LARGE1: variants seen among roughly 807,000 people sequenced by gnomAD.
The protein encoded by LARGE1 is LARGE xylosyl- and glucuronyltransferase 1, also known as xylosyl- and glucuronyltransferase LARGE1.
Under a neutral mutation model 87.6 loss-of-function variants are expected in LARGE1, and 43 were observed. That is an observed-to-expected ratio of 0.49 (90% confidence interval 0.38 to 0.63). The LOEUF (loss-of-function observed/expected upper bound fraction) is 0.63, where lower values mean the gene tolerates loss of function less well. Ranked by LOEUF, LARGE1 falls within the 30% of genes least tolerant of loss-of-function variation. LARGE1 has a pLI of 0.00. For synonymous variants in LARGE1, 434 were observed against 394.6 expected (o/e 1.10, Z -1.18); for missense variants, 802 against 1,000.2 (o/e 0.80, Z 2.67).
chr22:33,068,209 T>C, the LARGE1 span, among the ~76,000 whole-genome samples: 1 of 152,154 alleles, frequency 6.6e-6, no homozygotes, highest in Non-Finnish European at 1.5e-5. Context: ...TTGGGTCACC[T>C]CACTATGGGC....
At chr22:33,829,282 T>G (rs1357695149) in intron 1 of LARGE1, among the ~76,000 whole-genome samples, 1 of 152,092 alleles carries the variant, frequency 6.6e-6, no homozygotes, top group Non-Finnish European at 1.5e-5. Flanking sequence ...GGGCTGGGAT[T>G]ACAGGTGTGA....
At chr22:33,878,135 T>TG in intron 1 of LARGE1, among the ~76,000 whole-genome samples, 1 of 93,852 alleles carries the variant, frequency 1.1e-5, no homozygotes, top group Non-Finnish European at 2.0e-5. Flanking sequence ...ATTTCTTTTT[T>TG]TTTTTTTTTT....
intron 3 of LARGE1, among the ~76,000 whole-genome samples, chr22:33,628,379 C>T (rs551228783): frequency 1.3e-5 from 2 of 149,980 alleles, no homozygotes; most frequent in South Asian, 2.1e-4. Flanking sequence ...TGAAGTGGCA[C>T]TATCTCAGCT....
rs375909409 is a variant in LARGE1, at chr22:33,604,522, G to A, written c.528C>T (p.Ser176=). The change falls in exon 5 of 15, where the codon TCC becomes TCT. Residue 176 remains serine (S), a synonymous_variant. Transcript: ENST00000397394. ...GCGTGGCCAGGATCTGCTCCGCAAT[G>A]GAGTCAGCAATAAGGTGGAAGTGCA... The part of the protein sequence containing the change: ...NPLHFHLIAD[S]IAEQILATLF... The A allele has an allele frequency of 1.9e-6, 3 of 1,614,066 alleles. No homozygotes were observed.
At chr22:33,465,806 A>G (rs997244281) in intron 6 of LARGE1, among the ~76,000 whole-genome samples, 5 of 152,210 alleles carry the variant, frequency 3.3e-5, no homozygotes, top group Admixed American at 3.3e-4. Context: ...GTGGCTCACA[A>G]CAGGAATCTG....
chr22:33,113,695 A>G, the LARGE1 span, among the ~76,000 whole-genome samples: 1 of 152,154 alleles, frequency 6.6e-6, no homozygotes, highest in Non-Finnish European at 1.5e-5. Context: ...GAGGATAAGG[A>G]CCCAACTGGT....
chr22:33,148,920 T>G, the LARGE1 span, among the ~76,000 whole-genome samples: 1 of 152,090 alleles, frequency 6.6e-6, no homozygotes, highest in Non-Finnish European at 1.5e-5. Context: ...GATTGTTTGG[T>G]ATCTTACTAA....
chr22:33,580,676 C>T (rs2078493309), intron 5 of LARGE1, among the ~76,000 whole-genome samples: 1 of 152,164 alleles, frequency 6.6e-6, no homozygotes, highest in Non-Finnish European at 1.5e-5. Flanking sequence ...CACACACACT[C>T]TGGGACACAA....
intron 1 of LARGE1, among the ~76,000 whole-genome samples, chr22:33,884,245 G>A (rs1407260721): frequency 6.6e-6 from 1 of 152,200 alleles, no homozygotes; most frequent in Non-Finnish European, 1.5e-5. Context: ...AATCATTACT[G>A]CAGCTGTCCG....
chr22:33,524,556 T>A (rs2071785240), intron 6 of LARGE1, among the ~76,000 whole-genome samples: 1 of 151,954 alleles, frequency 6.6e-6, no homozygotes, highest in African/African-American at 2.4e-5. Context: ...TGCTCTCCCA[T>A]TCGCTCCAAC....
chr22:33,147,319 T>C, the LARGE1 span, among the ~76,000 whole-genome samples: 1 of 152,222 alleles, frequency 6.6e-6, no homozygotes, highest in South Asian at 2.1e-4. Context: ...ATTAGTAAAA[T>C]AGACACAGAT....
chr22:33,809,709 A>G (rs1420108001), intron 1 of LARGE1, among the ~76,000 whole-genome samples: 1 of 149,774 alleles, frequency 6.7e-6, no homozygotes, highest in African/African-American at 2.6e-5. Flanking sequence ...ATGTATGAAA[A>G]TATTATTTCA....
chr22:33,617,517 G>T (rs1005749127), intron 4 of LARGE1, among the ~76,000 whole-genome samples: 1 of 152,142 alleles, frequency 6.6e-6, no homozygotes, highest in African/African-American at 2.4e-5. Flanking sequence ...ATGATTCAAG[G>T]CTATTTAGTT....
At chr22:33,469,649 A>AC (rs1490649179) in intron 6 of LARGE1, among the ~76,000 whole-genome samples, 1 of 151,414 alleles carries the variant, frequency 6.6e-6, no homozygotes, top group Admixed American at 6.6e-5. Flanking sequence ...ACATGGTGAA[A>AC]CCCCCTCTCT....
chr22:33,733,347 T>C (rs2083537286), intron 2 of LARGE1: 1 of 152,224 alleles, frequency 6.6e-6, no homozygotes, highest in Admixed American at 6.5e-5. Flanking sequence ...ATGACACTAC[T>C]GCAAAATTAA....
At chr22:33,138,983 T>C in the LARGE1 span, among the ~76,000 whole-genome samples, 91 of 152,240 alleles carry the variant, frequency 6.0e-4, no homozygotes, top group African/African-American at 2.0e-3. Context: ...GTTCTCGTGA[T>C]AGTGAATAAG....
At position 33,564,929 on chromosome 22, in the gene LARGE1, C is replaced by T; in HGVS notation, c.706G>A (p.Glu236Lys). The change falls in exon 6 of 15, where the codon GAG (glutamate) becomes AAG (lysine). Residue 236 changes from glutamate (E) to lysine (K), a missense_variant. This residue lies in a region of LARGE1 where 625 missense variants were observed against 841.9 expected (regional missense o/e 0.74). Transcript: ENST00000397394. ...TCCGTGTCAAGGACGATGACTCTCT[C>T]CAGGTTGGCAGGAAGAGTCTTGGTC... is the stretch of plus-strand genomic sequence containing the variant. ...VLTKTLPANL[E>K]RVIVLDTDIT... is the part of the protein sequence containing the mutation. 1.2e-6 allele frequency: 2 copies of T among 1,614,158 alleles called. No individual in the cohort carries two copies. The highest frequency in any genetic ancestry group is 1.7e-6 in the Non-Finnish European group (2 of 1,180,008).
chr22:33,251,364 AT>A (rs555801519), intron 11 of LARGE1, among the ~76,000 whole-genome samples: 99 of 151,948 alleles, frequency 6.5e-4, no homozygotes, highest in Non-Finnish European at 9.9e-4. Context: ...TGTTTATCTG[AT>A]TTGTGATTTT....
chr22:33,559,925 C>T (rs1465226367), intron 6 of LARGE1, among the ~76,000 whole-genome samples: 1 of 152,096 alleles, frequency 6.6e-6, no homozygotes, highest in South Asian at 2.1e-4. Context: ...GCCTTGGGCC[C>T]GCCCTCTACA....
Sources: allele counts gnomAD v4.1 joint callset (sites outside exome capture counted in the v4.1 genomes callset), GRCh38; gene constraint gnomAD v4.1.1; regional missense constraint gnomAD v4.1.1; transcripts MANE v1.5; gene names NCBI Gene and HGNC (gene_info 2026-07-23, HGNC 2026-07-21).